Variants in CELF2 observed in about 807,000 individuals in gnomAD.
CELF2 encodes CUG triplet repeat RNA-binding protein 2.
A neutral mutation model predicts 62.6 loss-of-function variants in CELF2; 8 were observed. That is an observed-to-expected ratio of 0.13 (90% confidence interval 0.07 to 0.23). The LOEUF (loss-of-function observed/expected upper bound fraction) is 0.23, where lower values mean the gene tolerates loss of function less well. CELF2 is among the 10% of genes least tolerant of loss of function. The pLI is 1.00. For missense variants in CELF2, 333 were observed against 671.0 expected, an observed-to-expected ratio of 0.50 and a Z score of 5.56; for synonymous variants, 258 against 250.0, an observed-to-expected ratio of 1.03 and a Z score of -0.30.
At chr10:10,925,180 T>C (rs2065346197) in intron 2 of CELF2, 1 of 152,170 alleles carries the variant, frequency 6.6e-6, no homozygotes, top group Non-Finnish European at 1.5e-5. Flanking sequence ...AATGCCATTT[T>C]CTGAAAGACT....
chr10:10,487,186 T>G, the CELF2 span, among the ~76,000 whole-genome samples: 1 of 152,226 alleles, frequency 6.6e-6, no homozygotes, highest in Non-Finnish European at 1.5e-5. Flanking sequence ...AAGACAGCTC[T>G]TCTTGGATCG....
chr10:10,509,976 C>T, the CELF2 span, among the ~76,000 whole-genome samples: 182 of 152,316 alleles, frequency 1.2e-3, 2 homozygotes, highest in Middle Eastern at 3.4e-3. Flanking sequence ...CTTTCTACAA[C>T]CAAGGCCCAG....
chr10:11,111,533 A>G (rs1398532432), intron 1 of CELF2, among the ~76,000 whole-genome samples: 3 of 152,246 alleles, frequency 2.0e-5, no homozygotes, highest in East Asian at 1.9e-4. Flanking sequence ...TGTCAGTCAC[A>G]AAGAGGATTT....
chr10:10,876,750 C>T (rs1385883957), intron 1 of CELF2, among the ~76,000 whole-genome samples: 1 of 152,218 alleles, frequency 6.6e-6, no homozygotes, highest in Non-Finnish European at 1.5e-5. Flanking sequence ...TCTTCTTTCT[C>T]CTGTCTTTAA....
At chr10:10,860,680 C>T (rs542936213) in intron 1 of CELF2, among the ~76,000 whole-genome samples, 1 of 152,256 alleles carries the variant, frequency 6.6e-6, no homozygotes, top group Non-Finnish European at 1.5e-5. Flanking sequence ...CACTCAGAAC[C>T]AGGAGAGGTT....
At chr10:10,506,670 ATTTTTTTTTTTTTTT>A in the CELF2 span, among the ~76,000 whole-genome samples, 1 of 64,556 alleles carries the variant, frequency 1.5e-5, no homozygotes, top group African/African-American at 5.8e-5. Flanking sequence ...CCTCCTGTGA[ATTTTTTTTTTTTTTT>A]TTTTTTTTTT....
chr10:10,529,851 G>GCGGC, the CELF2 span, among the ~76,000 whole-genome samples: 1 of 152,270 alleles, frequency 6.6e-6, no homozygotes, highest in East Asian at 1.9e-4. Context: ...ATCCACATCA[G>GCGGC]TGGCTATGAA....
chr10:10,547,543 C>T, the CELF2 span, among the ~76,000 whole-genome samples: 6 of 152,024 alleles, frequency 3.9e-5, no homozygotes, highest in Middle Eastern at 3.2e-3. Context: ...CTTACATAGT[C>T]CAGTTGCCTC....
chr10:10,852,054 G>T (rs2059413719), intron 1 of CELF2, among the ~76,000 whole-genome samples: 1 of 152,202 alleles, frequency 6.6e-6, no homozygotes, highest in Non-Finnish European at 1.5e-5. Context: ...TTCTTAAAAA[G>T]TTAAATAGGT....
Position 11,012,826 on chromosome 10 carries a change from T to C in CELF2, c.53+7386T>C, listed in dbSNP as rs1419789815. ...ACCAGATAAGGGCACTTGGTATGGT[T>C]TGACAAATCTCGGCATCTTCAAGAG... On this transcript the variant is annotated intron_variant, in intron 1 of 12. Coordinates refer to the CELF2 transcript ENST00000416382. This position sits in a 1 kb window ranked among gnomAD's most constrained non-coding sequence, Gnocchi z 5.5. Among the ~76,000 whole-genome samples the C allele has an allele frequency of 6.6e-6, 1 of 152,122 alleles. No individual in the cohort carries two copies. The highest frequency in any genetic ancestry group is 1.5e-5 in the Non-Finnish European group (1 of 68,012).
At position 10,972,585 on chromosome 10, in the gene CELF2, G is replaced by C. The variant is rs913424272; in HGVS notation, c.89+52586G>C. Among the ~76,000 whole-genome samples, 1 of 152,008 alleles carries C rather than the reference G, an allele frequency of 6.6e-6. No homozygotes were observed. Among genetic ancestry groups the C allele is most frequent in the Non-Finnish European group, 1.5e-5 (1 of 68,000 alleles). On this transcript the variant is annotated intron_variant, in intron 2 of 13. Coordinates refer to the CELF2 transcript ENST00000636488. This position sits in a 1 kb window ranked among gnomAD's most constrained non-coding sequence, Gnocchi z 4.4. ...CCTGGCTGAGCTCATCTCTCTTACGGGTTCAACCGTCTTCTACATATTGAT... is the reference window on the plus strand; with the variant it reads ...CCTGGCTGAGCTCATCTCTCTTACGCGTTCAACCGTCTTCTACATATTGAT...
At chr10:10,820,300 C>T (rs2056850937) in intron 1 of CELF2, among the ~76,000 whole-genome samples, 1 of 152,136 alleles carries the variant, frequency 6.6e-6, no homozygotes, top group South Asian at 2.1e-4. Context: ...CTGTAGAAAT[C>T]ATTTAAAAAG....
chr10:11,070,799 T>C (rs2069700467), intron 1 of CELF2, among the ~76,000 whole-genome samples: 1 of 151,982 alleles, frequency 6.6e-6, no homozygotes, highest in South Asian at 2.1e-4. Context: ...CGGGGAAGGG[T>C]GCATAGCATC....
At chr10:10,757,081 G>A in the CELF2 span, among the ~76,000 whole-genome samples, 1 of 152,050 alleles carries the variant, frequency 6.6e-6, no homozygotes, top group East Asian at 1.9e-4. Context: ...GGTGGAGGTT[G>A]CAGTGAGCCA....
chr10:10,503,613 A>C, the CELF2 span, among the ~76,000 whole-genome samples: 1 of 151,926 alleles, frequency 6.6e-6, no homozygotes, highest in African/African-American at 2.4e-5. Context: ...ATTATGTTTT[A>C]AGTGATTTTA....
intron 1 of CELF2, among the ~76,000 whole-genome samples, chr10:11,103,896 A>G (rs1317550519): frequency 2.0e-5 from 3 of 152,188 alleles, no homozygotes; most frequent in Non-Finnish European, 4.4e-5. Context: ...ATTATTGCAT[A>G]TTTTAAAATC....
At chr10:10,702,419 C>G in the CELF2 span, among the ~76,000 whole-genome samples, 1 of 152,206 alleles carries the variant, frequency 6.6e-6, no homozygotes, top group East Asian at 1.9e-4. Context: ...TCCTCCCAGC[C>G]TGCCAGTCCA....
chr10:11,256,456 A>G (rs1395562028), intron 4 of CELF2, among the ~76,000 whole-genome samples: 9 of 152,206 alleles, frequency 5.9e-5, no homozygotes, highest in Admixed American at 5.9e-4. Context: ...AGCCAATTAA[A>G]TAGGAATGAC....
intron 1 of CELF2, among the ~76,000 whole-genome samples, chr10:10,845,232 A>C (rs541765876): frequency 6.6e-6 from 1 of 151,814 alleles, no homozygotes; most frequent in African/African-American, 2.4e-5. Flanking sequence ...CAAATGGGAG[A>C]TCTGTATTAA....
Sources: allele counts gnomAD v4.1 joint callset (sites outside exome capture counted in the v4.1 genomes callset), GRCh38; gene constraint gnomAD v4.1.1; non-coding constraint Gnocchi (gnomAD v3.1); transcripts MANE v1.5; gene names NCBI Gene and HGNC (gene_info 2026-07-23, HGNC 2026-07-21).